The following ZC3H12B variants were observed in gnomAD, a reference collection of about 807,000 sequenced individuals.
The protein encoded by ZC3H12B is zinc finger CCCH-type containing 12B, also known as probable ribonuclease ZC3H12B.
ZC3H12B carries 7 observed loss-of-function variants against 43.9 expected under a neutral mutation model. That is an observed-to-expected ratio of 0.16 (90% CI 0.09 to 0.30). The LOEUF is 0.30. Ranked by LOEUF, ZC3H12B falls within the 10% of genes least tolerant of loss-of-function variation. The pLI is 1.00. For missense variants in ZC3H12B, 475 were observed against 670.2 expected (o/e 0.71, Z 3.22); for synonymous variants, 222 against 241.7 (o/e 0.92, Z 0.76).
chrX:65,213,646 G>A, the ZC3H12B span, among the ~76,000 whole-genome samples: 1 of 110,651 alleles, frequency 9.0e-6, no homozygotes, highest in Non-Finnish European at 1.9e-5. Context: ...CTATGAAGTG[G>A]TTACTTTGTT....
At chrX:65,460,626 T>C (rs1355658065) in intron 3 of ZC3H12B, among the ~76,000 whole-genome samples, 1 of 112,001 alleles carries the variant, frequency 8.9e-6, no homozygotes, top group African/African-American at 3.3e-5. Flanking sequence ...CCCTATTGAA[T>C]AAATGGTGCT....
the ZC3H12B span, among the ~76,000 whole-genome samples, chrX:65,200,503 G>A: frequency 6.8e-4 from 64 of 93,982 alleles, no homozygotes; most frequent in African/African-American, 2.6e-3. Flanking sequence ...CATCATCTCA[G>A]CTCACTGCAA....
chrX:65,297,388 C>T, the ZC3H12B span, among the ~76,000 whole-genome samples: 1 of 110,788 alleles, frequency 9.0e-6, no homozygotes, highest in Non-Finnish European at 1.9e-5. Flanking sequence ...AACTCAACTC[C>T]TTTTACAATA....
At chrX:65,276,839 G>A in the ZC3H12B span, among the ~76,000 whole-genome samples, 1 of 111,385 alleles carries the variant, frequency 9.0e-6, no homozygotes, top group Non-Finnish European at 1.9e-5. Flanking sequence ...AGAGCAAAAG[G>A]TGAGACCACA....
intron 3 of ZC3H12B, among the ~76,000 whole-genome samples, chrX:65,425,577 G>A (rs866595563): frequency 9.9e-5 from 11 of 110,978 alleles, no homozygotes; most frequent in South Asian, 3.8e-4. Flanking sequence ...TGCCCATTCC[G>A]TATGATATTG....
chrX:65,481,245 C>CT (rs1464240774), intron 3 of ZC3H12B, among the ~76,000 whole-genome samples: 1 of 111,813 alleles, frequency 8.9e-6, no homozygotes, highest in East Asian at 2.8e-4. Context: ...AGAAGAATTA[C>CT]TTACCTCTTA....
intron 1 of ZC3H12B, among the ~76,000 whole-genome samples, chrX:65,491,586 A>G (rs1308571994): frequency 9.2e-6 from 1 of 108,935 alleles, no homozygotes; most frequent in Non-Finnish European, 1.9e-5. Context: ...ACATGCCTGT[A>G]GTCACAGCTA....
chrX:65,373,714 G>A (rs2066279564), intron 2 of ZC3H12B, among the ~76,000 whole-genome samples: 1 of 89,149 alleles, frequency 1.1e-5, no homozygotes, highest in Non-Finnish European at 2.2e-5. Context: ...ACACAGGAAG[G>A]GGAACATCAC....
chrX:65,312,883 T>G, the ZC3H12B span, among the ~76,000 whole-genome samples: 1 of 111,749 alleles, frequency 8.9e-6, no homozygotes, highest in African/African-American at 3.3e-5. Context: ...GTTTTTTGTT[T>G]TTTTTGTTTG....
At chrX:65,160,954 T>C in the ZC3H12B span, among the ~76,000 whole-genome samples, 1 of 111,504 alleles carries the variant, frequency 9.0e-6, no homozygotes, top group Non-Finnish European at 1.9e-5. Flanking sequence ...GATTCTTGTA[T>C]GTTGTGTCTT....
the ZC3H12B span, among the ~76,000 whole-genome samples, chrX:65,181,306 A>G: frequency 1.1e-4 from 12 of 112,096 alleles, no homozygotes. Context: ...AATCCCTAGA[A>G]GAAAACCTAG....
intron 1 of ZC3H12B, among the ~76,000 whole-genome samples, chrX:65,491,884 G>T (rs2068209593): frequency 9.1e-6 from 1 of 109,709 alleles, no homozygotes; most frequent in Non-Finnish European, 1.9e-5. Context: ...TTAGTAACAA[G>T]AAAGTTAAAT....
intron 3 of ZC3H12B, among the ~76,000 whole-genome samples, chrX:65,450,742 TATATAC>T (rs1476581064): frequency 1.9e-5 from 1 of 53,431 alleles, no homozygotes; most frequent in East Asian, 5.6e-4. Flanking sequence ...TATGTATATA[TATATAC>T]ATATGTGTAT....
the ZC3H12B span, among the ~76,000 whole-genome samples, chrX:65,304,629 AC>A: frequency 1.6e-4 from 17 of 107,807 alleles, no homozygotes; most frequent in Non-Finnish European, 2.1e-4. Flanking sequence ...AAAAAAAAAA[AC>A]AAAAAACAAA....
chrX:65,408,084 T>C (rs2066858111), intron 3 of ZC3H12B: 1 of 1,191,703 alleles, frequency 8.4e-7, no homozygotes, highest in Non-Finnish European at 1.1e-6. Flanking sequence ...GCCAGCGCGA[T>C]GTTCCCGCAG....
At chrX:65,123,244 G>T in the ZC3H12B span, among the ~76,000 whole-genome samples, 480 of 111,872 alleles carry the variant, frequency 4.3e-3, 1 homozygote, top group Non-Finnish European at 7.0e-3. Context: ...ATTTGCGTAT[G>T]TTGAACCAGC....
the ZC3H12B span, among the ~76,000 whole-genome samples, chrX:65,359,350 T>C: frequency 8.9e-6 from 1 of 111,933 alleles, no homozygotes. Context: ...TTCATAAGGC[T>C]ATGGTTGCTA....
chrX:65,399,116 G>T (rs1028373946), intron 3 of ZC3H12B, among the ~76,000 whole-genome samples: 2 of 112,473 alleles, frequency 1.8e-5, no homozygotes, highest in African/African-American at 6.5e-5. Flanking sequence ...ATTGGACTGG[G>T]TGAAGATTTC....
chrX:65,304,684 C>G, the ZC3H12B span, among the ~76,000 whole-genome samples: 15,568 of 109,360 alleles, frequency 0.14, 2,719 homozygotes, highest in African/African-American at 0.48. Context: ...TAAATCCAAC[C>G]CAGTCATTAA....
Sources: gnomAD v4.1 joint callset for allele counts (sites outside exome capture counted in the v4.1 genomes callset) on GRCh38, gnomAD v4.1.1 for gene constraint, MANE v1.5 for transcripts, NCBI Gene and HGNC (gene_info 2026-07-23, HGNC 2026-07-21) for gene names.